Variants in ACSM3 observed in about 807,000 individuals in gnomAD.
The protein encoded by ACSM3 is acyl-coenzyme A synthetase ACSM3, mitochondrial.
In ACSM3, 61 loss-of-function variants were observed where a neutral mutation model predicts 74.1. That is an observed-to-expected ratio of 0.82 (90% CI 0.67 to 1.02). The LOEUF (loss-of-function observed/expected upper bound fraction) is 1.02. ACSM3 is among the 50% of genes least tolerant of loss of function. The pLI is 0.00. For missense variants in ACSM3, 660 were observed against 697.0 expected (o/e 0.95, Z 0.60); for synonymous variants, 213 against 241.5 (o/e 0.88, Z 1.09).
At chr16:20,686,546 G>C (rs12050994) in intron 1 of ACSM3, among the ~76,000 whole-genome samples, 181 of 152,216 alleles carry the variant, frequency 1.2e-3, no homozygotes, top group African/African-American at 4.1e-3. Flanking sequence ...TAGATGACCA[G>C]TTGATAGGTG....
chr16:20,722,847 A>T (rs147195952), intron 1 of ACSM3, among the ~76,000 whole-genome samples: 1 of 152,292 alleles, frequency 6.6e-6, no homozygotes. Flanking sequence ...TTCCCAACAG[A>T]CATACAGTCA....
At chr16:20,756,003 T>C (rs935031103) in intron 3 of ACSM3, among the ~76,000 whole-genome samples, 17 of 152,184 alleles carry the variant, frequency 1.1e-4, no homozygotes, top group African/African-American at 3.9e-4. Context: ...ATGGTATATA[T>C]GTACCACATT....
intron 1 of ACSM3, chr16:20,736,921 C>G: frequency 6.2e-7 from 1 of 1,614,166 alleles, no homozygotes; most frequent in Non-Finnish European, 8.5e-7. Context: ...CCTTCTGTGG[C>G]TTGACTTGCA....
intron 1 of ACSM3, among the ~76,000 whole-genome samples, chr16:20,724,043 G>A (rs1334049893): frequency 5.9e-5 from 9 of 152,026 alleles, no homozygotes; most frequent in Non-Finnish European, 1.2e-4. Flanking sequence ...AATCCATCTC[G>A]AATTAATTTT....
intron 1 of ACSM3, among the ~76,000 whole-genome samples, chr16:20,685,850 A>AAAG (rs2079544960): frequency 6.8e-6 from 1 of 146,466 alleles, no homozygotes; most frequent in Non-Finnish European, 1.5e-5. Flanking sequence ...AAAAAAACAA[A>AAAG]AAACTTATAG....
At chr16:20,714,498 C>T (rs1300768228) in intron 1 of ACSM3, among the ~76,000 whole-genome samples, 2 of 152,076 alleles carry the variant, frequency 1.3e-5, no homozygotes, top group Non-Finnish European at 2.9e-5. Context: ...TGGAATCAGA[C>T]CATCTTGGAG....
intron 1 of ACSM3, among the ~76,000 whole-genome samples, chr16:20,696,037 T>C (rs2079688067): frequency 1.3e-5 from 2 of 152,222 alleles, no homozygotes; most frequent in South Asian, 4.1e-4. Flanking sequence ...AATACACAAG[T>C]ACTTACCATC....
In ACSM3 at chr16:20,770,166, A is replaced by C; in HGVS notation, c.132A>C (p.Glu44Asp). Residue 44 changes from glutamate (E) to aspartate (D), a missense_variant, in exon 2 of 14, where the codon GAA (glutamate) becomes GAC (aspartate). Coordinates refer to ENST00000289416, the MANE Select transcript of ACSM3 (RefSeq NM_005622.4). ...TATPQNFSNY[E>D]SMKQDFKLGI... The stretch of plus-strand genomic sequence containing the variant: ...CCCCTCAGAATTTCTCCAACTATGA[A>C]TCCATGAAACAGGACTTCAAACTGG... 1 of 1,614,152 alleles carries C rather than the reference A, an allele frequency of 6.2e-7. No homozygotes were observed. The highest frequency in any genetic ancestry group is 8.5e-7 in the Non-Finnish European group (1 of 1,180,008).
At chr16:20,691,626 T>C (rs2079652929) in intron 1 of ACSM3, among the ~76,000 whole-genome samples, 1 of 152,160 alleles carries the variant, frequency 6.6e-6, no homozygotes, top group Non-Finnish European at 1.5e-5. Context: ...AATCATGTTG[T>C]TGCCATGGAA....
chr16:20,767,821 G>A (rs1355160605), intron 1 of ACSM3, among the ~76,000 whole-genome samples: 1 of 152,164 alleles, frequency 6.6e-6, no homozygotes, highest in African/African-American at 2.4e-5. Context: ...GCCTGTTTTT[G>A]TATAGCCTTT....
At chr16:20,773,089 T>C (rs1198184649) in intron 2 of ACSM3, among the ~76,000 whole-genome samples, 1 of 152,120 alleles carries the variant, frequency 6.6e-6, no homozygotes, top group Non-Finnish European at 1.5e-5. Flanking sequence ...TCTATTCAGG[T>C]TTTCTATCTT....
At chr16:20,711,220 C>G (rs1038369882) in intron 1 of ACSM3, among the ~76,000 whole-genome samples, 1 of 152,070 alleles carries the variant, frequency 6.6e-6, no homozygotes, top group African/African-American at 2.4e-5. Context: ...AAAAAAGACA[C>G]AGAGAGATCA....
At chr16:20,779,698 T>C (rs2080309951) in intron 4 of ACSM3, 2 of 152,800 alleles carry the variant, frequency 1.3e-5, no homozygotes, top group African/African-American at 2.4e-5. Context: ...TTCAATCTTA[T>C]TGTCTGCTAT....
At chr16:20,744,236 G>C (rs962960578) in intron 1 of ACSM3, among the ~76,000 whole-genome samples, 1 of 152,202 alleles carries the variant, frequency 6.6e-6, no homozygotes, top group African/African-American at 2.4e-5. Context: ...GGACATCCCT[G>C]GCCTACAGGT....
At chr16:20,769,066 A>G (rs1408881582) in intron 1 of ACSM3, among the ~76,000 whole-genome samples, 4 of 152,238 alleles carry the variant, frequency 2.6e-5, no homozygotes, top group African/African-American at 9.6e-5. Flanking sequence ...CAATGTATCA[A>G]TACAGAAATG....
chr16:20,711,482 T>C, intron 1 of ACSM3: 1 of 1,321,298 alleles, frequency 7.6e-7, no homozygotes, highest in Non-Finnish European at 1.0e-6. Flanking sequence ...GGGATTGTCT[T>C]CATGCCAGGA....
intron 1 of ACSM3, among the ~76,000 whole-genome samples, chr16:20,714,125 C>G (rs912138646): frequency 6.6e-6 from 1 of 152,096 alleles, no homozygotes; most frequent in African/African-American, 2.4e-5. Context: ...ACAGAAGACC[C>G]TGTCCGGGAC....
At chr16:20,687,980 G>A (rs369369303) in intron 1 of ACSM3, among the ~76,000 whole-genome samples, 28 of 151,942 alleles carry the variant, frequency 1.8e-4, no homozygotes, top group African/African-American at 6.8e-4. Context: ...AGCTACTCAG[G>A]AGGCTGAGGC....
In ACSM3 at chr16:20,729,471, T is replaced by C. The variant is rs779252991; in HGVS notation, c.-189-20439T>C. ...CTTTTCAGGTACCGTATTGGGCCATTTGAAGTGGAGAGTGTGCTTGCTGAG... is the reference window on the plus strand; with the variant it reads ...CTTTTCAGGTACCGTATTGGGCCATCTGAAGTGGAGAGTGTGCTTGCTGAG... On this transcript the variant is annotated intron_variant, in intron 1 of 3. Coordinates refer to the ACSM3 transcript ENST00000561584. 1.2e-5 allele frequency: 8 copies of C among 675,718 alleles called. No individual in the cohort carries two copies. The African/African-American group carries it at 1.4e-4, about 12-fold the overall frequency. 41.9% of individuals were successfully genotyped at this position (675,718 alleles called of 1,614,324 possible).
Sources: gnomAD v4.1 joint callset for allele counts (sites outside exome capture counted in the v4.1 genomes callset) on GRCh38, gnomAD v4.1.1 for gene constraint, MANE v1.5 for transcripts, NCBI Gene and HGNC (gene_info 2026-07-23, HGNC 2026-07-21) for gene names.